Variants in CDC37L1 observed in about 807,000 individuals in gnomAD.
CDC37L1 encodes the protein cell division cycle 37 like 1, HSP90 cochaperone, also known as hsp90 co-chaperone Cdc37-like 1.
CDC37L1 carries 32 observed loss-of-function variants against 45.9 expected under a neutral mutation model. The observed-to-expected ratio is 0.70, with a 90% confidence interval of 0.53 to 0.94. The LOEUF (loss-of-function observed/expected upper bound fraction) is 0.94. Among genes scored for constraint, CDC37L1 ranks in the 40% least tolerant of loss-of-function variants. The probability of loss-of-function intolerance (pLI) is 0.00; values close to 1 mark genes in which losing one functional copy is unlikely to be tolerated. For missense variants in CDC37L1, 434 were observed against 405.7 expected (o/e 1.07, Z -0.60); for synonymous variants, 150 against 133.0 (o/e 1.13, Z -0.88).
intron 2 of CDC37L1, among the ~76,000 whole-genome samples, chr9:4,685,669 T>C (rs1841240651): frequency 6.6e-6 from 1 of 152,190 alleles, no homozygotes; most frequent in African/African-American, 2.4e-5. Context: ...AAGAGAAGTG[T>C]TGAATATCCT....
Position 4,684,783 on chromosome 9 carries a change from T to A in CDC37L1, c.133-94T>A, listed in dbSNP as rs368335130. The A allele has an allele frequency of 4.6e-6, 4 of 869,430 alleles. No homozygotes were observed. The East Asian group carries it at 1.1e-4, about 23-fold the overall frequency. 53.9% of individuals were successfully genotyped at this position (869,430 alleles called of 1,614,324 possible). On this transcript the variant is annotated intron_variant, in intron 1 of 6. Coordinates refer to ENST00000381854, the MANE Select transcript of CDC37L1 (RefSeq NM_017913.4). ...ACAGGATATACTATATACCAAAATA[T>A]TGTACAGAAATCCTTTGAATTAAGA... is the stretch of plus-strand genomic sequence containing the variant.
intron 3 of CDC37L1, among the ~76,000 whole-genome samples, chr9:4,693,397 T>G (rs1304219989): frequency 6.6e-6 from 1 of 152,052 alleles, no homozygotes; most frequent in African/African-American, 2.4e-5. Context: ...GAGTTGTGAT[T>G]GCACCAGTGT....
chr9:4,682,851 T>C (rs1841209127), intron 1 of CDC37L1, among the ~76,000 whole-genome samples: 1 of 151,626 alleles, frequency 6.6e-6, no homozygotes, highest in Non-Finnish European at 1.5e-5. Flanking sequence ...CTCCTTTTCC[T>C]GGCTCTGTTT....
chr9:4,697,706 A>C (rs1287839203), intron 4 of CDC37L1, 51 bp from the exon 5 acceptor site: 2 of 891,924 alleles, frequency 2.2e-6, no homozygotes, highest in East Asian at 5.4e-5. Flanking sequence ...TCAGTATGCC[A>C]ATTAAATATA....
intron 5 of CDC37L1, among the ~76,000 whole-genome samples, chr9:4,701,222 A>G (rs1841393052): frequency 6.6e-6 from 1 of 152,232 alleles, no homozygotes; most frequent in Non-Finnish European, 1.5e-5. Flanking sequence ...ACATAAACAG[A>G]GGCAGCTGCC....
intron 1 of CDC37L1, among the ~76,000 whole-genome samples, chr9:4,680,819 T>C (rs972508674): frequency 3.3e-5 from 5 of 152,224 alleles, no homozygotes; most frequent in Admixed American, 6.5e-5. Flanking sequence ...ACAGATTTAA[T>C]AGTAGTTTTC....
intron 3 of CDC37L1, 48 bp downstream of exon 3, chr9:4,688,654 T>C (rs376924076): frequency 3.4e-6 from 4 of 1,184,184 alleles, no homozygotes; most frequent in Non-Finnish European, 3.5e-6. Context: ...TGGTATCATA[T>C]GTACATGTGC....
intron 3 of CDC37L1, among the ~76,000 whole-genome samples, chr9:4,692,149 C>G (rs1841306332): frequency 6.6e-6 from 1 of 152,016 alleles, no homozygotes; most frequent in African/African-American, 2.4e-5. Flanking sequence ...TATTTACAAC[C>G]TCTTCAATGT....
At chr9:4,704,087 C>T (rs542120777) in intron 6 of CDC37L1, among the ~76,000 whole-genome samples, 9 of 152,282 alleles carry the variant, frequency 5.9e-5, no homozygotes, top group Non-Finnish European at 1.2e-4. Context: ...AAGACCAAAT[C>T]ATCAGTTTAG....
intron 5 of CDC37L1, among the ~76,000 whole-genome samples, chr9:4,701,099 C>T (rs541146600): frequency 2.0e-5 from 3 of 152,328 alleles, no homozygotes; most frequent in South Asian, 4.1e-4. Context: ...CAGGTTTTAA[C>T]CTGTTACGCA....
intron 1 of CDC37L1, among the ~76,000 whole-genome samples, chr9:4,683,510 G>C (rs1239694590): frequency 6.6e-6 from 1 of 152,100 alleles, no homozygotes; most frequent in Non-Finnish European, 1.5e-5. Context: ...TGAAGTGAGG[G>C]ACAAGGGTGG....
At chr9:4,698,382 TG>T (rs1463084402) in intron 5 of CDC37L1, among the ~76,000 whole-genome samples, 4 of 150,804 alleles carry the variant, frequency 2.7e-5, no homozygotes, top group Non-Finnish European at 5.9e-5. Context: ...ATTATATTTA[TG>T]GAACTTTTGT....
intron 5 of CDC37L1, among the ~76,000 whole-genome samples, chr9:4,699,382 T>G (rs1370901536): frequency 6.6e-6 from 1 of 152,146 alleles, no homozygotes; most frequent in Non-Finnish European, 1.5e-5. Context: ...CTGAAAAAAC[T>G]GACAATCTGA....
chr9:4,703,001 A>T, intron 6 of CDC37L1: 2 of 1,369,182 alleles, frequency 1.5e-6, no homozygotes, highest in Non-Finnish European at 2.0e-6. Context: ...TTAGGATTAC[A>T]AGTTTAAGTT....
intron 2 of CDC37L1, 83 bp downstream of exon 2, chr9:4,685,241 C>T: frequency 9.6e-7 from 1 of 1,041,960 alleles, no homozygotes; most frequent in Non-Finnish European, 1.5e-6. Flanking sequence ...GGTAGCAAAG[C>T]AGCAGAATCC....
chr9:4,694,992 C>T (rs778714927), intron 3 of CDC37L1, among the ~76,000 whole-genome samples: 9 of 152,144 alleles, frequency 5.9e-5, no homozygotes, highest in Non-Finnish European at 1.2e-4. Flanking sequence ...TTTGGTATTT[C>T]AGTAAGTCAC....
Position 4,706,187 on chromosome 9 carries a change from T to C in CDC37L1, c.*75T>C. The C allele has an allele frequency of 1.3e-6, 1 of 747,504 alleles. No individual in the cohort carries two copies. Among genetic ancestry groups the C allele is most frequent in the Non-Finnish European group, 2.4e-6 (1 of 408,860 alleles). The allele number at this position is 747,504 out of a possible 1,614,324, so 46.3% of individuals were successfully genotyped here. A position where few individuals can be genotyped will look rare whatever the true frequency, so the allele number is the denominator to read the frequency against. ...GAACTTGGCTATTTTCTTGACACTT[T>C]TATGGGTGCTGCACTTTATTTTTGT... On this transcript the variant is annotated 3_prime_UTR_variant, in exon 7 of 7. Coordinates refer to ENST00000381854, the MANE Select transcript of CDC37L1 (RefSeq NM_017913.4).
intron 1 of CDC37L1, among the ~76,000 whole-genome samples, chr9:4,684,489 A>C (rs1302220462): frequency 6.6e-6 from 1 of 152,208 alleles, no homozygotes; most frequent in East Asian, 1.9e-4. Flanking sequence ...TTGGAGAACA[A>C]AATTATAAAG....
At chr9:4,703,148 AG>A in intron 6 of CDC37L1, 1 of 1,503,474 alleles carries the variant, frequency 6.7e-7, no homozygotes, top group Non-Finnish European at 8.9e-7. Flanking sequence ...TGAGAAGGAA[AG>A]TCTTATTCAA....
Sources: allele counts gnomAD v4.1 joint callset (sites outside exome capture counted in the v4.1 genomes callset), GRCh38; gene constraint gnomAD v4.1.1; transcripts MANE v1.5; gene names NCBI Gene and HGNC (gene_info 2026-07-23, HGNC 2026-07-21).